Variants in KIAA1217 observed in about 807,000 individuals in gnomAD.
The protein encoded by KIAA1217 is sickle tail protein homolog.
In KIAA1217, 88 loss-of-function variants were observed where a neutral mutation model predicts 163.9. The observed-to-expected ratio is 0.54, with a 90% confidence interval of 0.45 to 0.64. The LOEUF (loss-of-function observed/expected upper bound fraction) is 0.64, where lower values mean the gene tolerates loss of function less well. KIAA1217 is among the 30% of genes least tolerant of loss of function. The pLI, the probability that KIAA1217 is intolerant of heterozygous loss-of-function variation, is 0.00. For missense variants in KIAA1217, 2,372 were observed against 2,475.0 expected (o/e 0.96, Z 0.88); for synonymous variants, 903 against 923.1 (o/e 0.98, Z 0.39).
chr10:23,704,166 GTGTGTGTATA>G (rs1430061693), intron 1 of KIAA1217, among the ~76,000 whole-genome samples: 10 of 71,358 alleles, frequency 1.4e-4, no homozygotes, highest in Admixed American at 3.6e-4. Context: ...GTGTGTGTGT[GTGTGTGTATA>G]TATATATATA....
chr10:23,783,996 A>C (rs547172886), intron 1 of KIAA1217, among the ~76,000 whole-genome samples: 70 of 152,086 alleles, frequency 4.6e-4, no homozygotes, highest in African/African-American at 1.7e-3. Context: ...TTATTAAAAA[A>C]AAACTTTTGT....
At chr10:23,931,307 C>A (rs560132995) in intron 1 of KIAA1217, among the ~76,000 whole-genome samples, 1 of 151,492 alleles carries the variant, frequency 6.6e-6, no homozygotes, top group African/African-American at 2.4e-5. Context: ...TGTCCTTGAT[C>A]GCATAACCAG....
At chr10:24,441,185 T>C (rs2060470912) in intron 5 of KIAA1217, among the ~76,000 whole-genome samples, 1 of 152,160 alleles carries the variant, frequency 6.6e-6, no homozygotes, top group African/African-American at 2.4e-5. Flanking sequence ...AGGAATTCGA[T>C]GCTAACTACT....
At chr10:24,142,297 G>A (rs1288693880) in intron 2 of KIAA1217, among the ~76,000 whole-genome samples, 2 of 152,170 alleles carry the variant, frequency 1.3e-5, no homozygotes, top group Non-Finnish European at 2.9e-5. Context: ...TATAAATTGA[G>A]GGGGCTACAT....
intron 2 of KIAA1217, among the ~76,000 whole-genome samples, chr10:24,117,859 A>G (rs1194741144): frequency 6.6e-6 from 1 of 152,090 alleles, no homozygotes; most frequent in Non-Finnish European, 1.5e-5. Context: ...TTTCATACGG[A>G]AAAGGGGTGG....
intron 2 of KIAA1217, among the ~76,000 whole-genome samples, chr10:24,039,181 T>A (rs1848522515): frequency 6.6e-6 from 1 of 152,114 alleles, no homozygotes; most frequent in Admixed American, 6.5e-5. Flanking sequence ...CTCTCAGGTT[T>A]GGAAAAACCA....
At chr10:24,151,546 G>A (rs564190293) in intron 2 of KIAA1217, among the ~76,000 whole-genome samples, 68 of 150,498 alleles carry the variant, frequency 4.5e-4, no homozygotes, top group African/African-American at 1.6e-3. Context: ...AAGAATTAAT[G>A]TACTCTAGGT....
At chr10:23,811,152 T>C (rs1837027307) in intron 1 of KIAA1217, among the ~76,000 whole-genome samples, 1 of 141,182 alleles carries the variant, frequency 7.1e-6, no homozygotes, top group Non-Finnish European at 1.5e-5. Context: ...ACTATGTATA[T>C]AGTATACATG....
At chr10:23,729,582 ACTT>A (rs2130784363) in intron 1 of KIAA1217, among the ~76,000 whole-genome samples, 1 of 152,172 alleles carries the variant, frequency 6.6e-6, no homozygotes, top group South Asian at 2.1e-4. Flanking sequence ...TATCTATATT[ACTT>A]CTTTAGTAGG....
intron 13 of KIAA1217, among the ~76,000 whole-genome samples, chr10:24,527,012 C>T (rs928052821): frequency 1.3e-5 from 2 of 152,044 alleles, no homozygotes; most frequent in African/African-American, 2.4e-5. Flanking sequence ...TTCCACTCTG[C>T]CCCCTTAGAA....
chr10:23,989,355 A>C (rs1564591295), intron 1 of KIAA1217, among the ~76,000 whole-genome samples: 1 of 152,196 alleles, frequency 6.6e-6, no homozygotes. Flanking sequence ...AGACCCCAAC[A>C]TGTGTAAAAC....
At chr10:24,433,571 G>T (rs1470766444) in intron 4 of KIAA1217, among the ~76,000 whole-genome samples, 2 of 152,130 alleles carry the variant, frequency 1.3e-5, no homozygotes, top group Non-Finnish European at 2.9e-5. Flanking sequence ...CATTAGAAAT[G>T]ATTCAGTCCA....
At chr10:23,975,795 T>C (rs1222564983) in intron 1 of KIAA1217, among the ~76,000 whole-genome samples, 3 of 152,180 alleles carry the variant, frequency 2.0e-5, no homozygotes, top group African/African-American at 7.2e-5. Flanking sequence ...TTTGCTTTCC[T>C]TCTACTTGAA....
At chr10:23,859,231 T>C (rs1425020576) in intron 1 of KIAA1217, among the ~76,000 whole-genome samples, 3 of 152,208 alleles carry the variant, frequency 2.0e-5, no homozygotes, top group Admixed American at 6.5e-5. Context: ...AGCCTGTGGA[T>C]TGGGAACCTC....
intron 1 of KIAA1217, among the ~76,000 whole-genome samples, chr10:23,974,005 G>T (rs1845432431): frequency 6.6e-6 from 1 of 152,180 alleles, no homozygotes; most frequent in African/African-American, 2.4e-5. Flanking sequence ...GGATGAGACT[G>T]CTTTGGAATA....
intron 2 of KIAA1217, among the ~76,000 whole-genome samples, chr10:24,112,496 T>C (rs1415532802): frequency 6.6e-5 from 10 of 152,222 alleles, no homozygotes; most frequent in Non-Finnish European, 4.4e-5. Context: ...TATTTGGAAA[T>C]TGAGCCTTGC....
chr10:24,473,385 C>T lies in KIAA1217; in HGVS notation c.1004C>T (p.Thr335Ile), dbSNP rs762976882. The change falls in exon 6 of 21, where the codon ACC becomes ATC. Residue 335 changes from threonine to isoleucine, a missense_variant. Transcript: ENST00000376454. ...PSPSRIPYGG[T>I]RSMVVPGNAT... ...CCGTCCAGAATTCCTTATGGGGGCA[C>T]CCGCTCCATGGTTGTTCCTGGCAAT... 5.6e-6 allele frequency: 9 copies of T among 1,612,698 alleles called. No individual in the cohort carries two copies. Among genetic ancestry groups the T allele is most frequent in the African/African-American group, 5.3e-5 (4 of 74,854 alleles).
rs571373843 is a variant in KIAA1217, at chr10:24,246,036, C to G, written c.354+26127C>G. On this transcript the variant is annotated intron_variant, in intron 2 of 20. Coordinates refer to ENST00000376454, the MANE Select transcript of KIAA1217 (RefSeq NM_019590.5). ...AGGGACCTTTTTGTTTTTTAATTGTCTCTTTGAATTTTGCACAAAGAAGGG... is the reference window on the plus strand; with the variant it reads ...AGGGACCTTTTTGTTTTTTAATTGTGTCTTTGAATTTTGCACAAAGAAGGG... Among the ~76,000 whole-genome samples the G allele has an allele frequency of 1.6e-4, 25 of 152,204 alleles. No homozygotes were observed. In the South Asian group the frequency reaches 4.8e-3, roughly 29 times the overall value.
intron 1 of KIAA1217, among the ~76,000 whole-genome samples, chr10:24,215,260 CAGG>C (rs2068666588): frequency 6.6e-6 from 1 of 152,088 alleles, no homozygotes; most frequent in African/African-American, 2.4e-5. Context: ...AGTGAGCTCC[CAGG>C]AGGAGTTGCC....
Sources: gnomAD v4.1 joint callset for allele counts (sites outside exome capture counted in the v4.1 genomes callset) on GRCh38, gnomAD v4.1.1 for gene constraint, MANE v1.5 for transcripts, NCBI Gene and HGNC (gene_info 2026-07-23, HGNC 2026-07-21) for gene names.